Variants in GABRA2 observed in about 807,000 individuals in gnomAD.
GABRA2 encodes the protein gamma-aminobutyric acid type A receptor subunit alpha2, also known as gamma-aminobutyric acid receptor subunit alpha-2.
Under a neutral mutation model 48.7 loss-of-function variants are expected in GABRA2, and 16 were observed. That is an observed-to-expected ratio of 0.33 (90% confidence interval 0.22 to 0.50). GABRA2 has a LOEUF of 0.50. Ranked by LOEUF, GABRA2 falls within the 20% of genes least tolerant of loss-of-function variation. The pLI is 0.98. For synonymous variants in GABRA2, 185 were observed against 184.5 expected, an observed-to-expected ratio of 1.00 and a Z score of -0.02; for missense variants, 275 against 535.6, an observed-to-expected ratio of 0.51 and a Z score of 4.80.
intron 6 of GABRA2, among the ~76,000 whole-genome samples, chr4:46,307,956 T>C (rs762748837): frequency 6.6e-6 from 1 of 152,142 alleles, no homozygotes; most frequent in Non-Finnish European, 1.5e-5. Flanking sequence ...CTCAATAAAG[T>C]ATCAAAGGAG....
chr4:46,356,386 C>T (rs1735967933), intron 3 of GABRA2, among the ~76,000 whole-genome samples: 1 of 151,226 alleles, frequency 6.6e-6, no homozygotes, highest in African/African-American at 2.4e-5. Context: ...ACACCCCTGG[C>T]CAGGAAGAAA....
At chr4:46,337,203 C>T (rs931877440) in intron 3 of GABRA2, among the ~76,000 whole-genome samples, 4 of 152,170 alleles carry the variant, frequency 2.6e-5, no homozygotes, top group African/African-American at 9.6e-5. Context: ...ACCAAAAAGA[C>T]AGTATCTCAA....
At chr4:46,306,108 C>A (rs1332833386) in intron 6 of GABRA2, among the ~76,000 whole-genome samples, 1 of 152,020 alleles carries the variant, frequency 6.6e-6, no homozygotes, top group Non-Finnish European at 1.5e-5. Flanking sequence ...AATCAAAATT[C>A]AAAATTATAT....
intron 3 of GABRA2, among the ~76,000 whole-genome samples, chr4:46,349,594 A>G (rs1325256167): frequency 6.6e-6 from 1 of 151,934 alleles, no homozygotes; most frequent in Non-Finnish European, 1.5e-5. Flanking sequence ...CAACAATCCA[A>G]TATTTTTCTT....
chr4:46,340,785 T>C (rs546567753), intron 3 of GABRA2, among the ~76,000 whole-genome samples: 3 of 152,120 alleles, frequency 2.0e-5, no homozygotes, highest in African/African-American at 4.8e-5. Context: ...TTCTCACCAA[T>C]TGGGGAACTT....
At chr4:46,381,376 C>G (rs1716735837) in intron 3 of GABRA2, among the ~76,000 whole-genome samples, 1 of 152,124 alleles carries the variant, frequency 6.6e-6, no homozygotes, top group Non-Finnish European at 1.5e-5. Context: ...AGACTTGATA[C>G]AGTTATTAAT....
chr4:46,283,580 TCAATC>T (rs1721945384), intron 8 of GABRA2, among the ~76,000 whole-genome samples: 1 of 152,000 alleles, frequency 6.6e-6, no homozygotes, highest in African/African-American at 2.4e-5. Flanking sequence ...AGAAAAATGA[TCAATC>T]CAAACATAGC....
chr4:46,260,117 A>C (rs950125412), intron 9 of GABRA2, among the ~76,000 whole-genome samples: 1 of 151,854 alleles, frequency 6.6e-6, no homozygotes, highest in Non-Finnish European at 1.5e-5. Flanking sequence ...AAACTCATTC[A>C]TTCTTTTATA....
At chr4:46,292,242 A>G (rs1394068886) in intron 8 of GABRA2, among the ~76,000 whole-genome samples, 3 of 152,210 alleles carry the variant, frequency 2.0e-5, no homozygotes, top group Admixed American at 2.0e-4. Context: ...AGGCTTCACA[A>G]GCAGATACTG....
intron 3 of GABRA2, among the ~76,000 whole-genome samples, chr4:46,370,298 T>C (rs1048445482): frequency 1.1e-4 from 16 of 151,162 alleles, no homozygotes; most frequent in African/African-American, 3.6e-4. Context: ...GTAATAAGAG[T>C]TAAAAGTATA....
At chr4:46,346,581 T>C (rs1336608194) in intron 3 of GABRA2, among the ~76,000 whole-genome samples, 1 of 149,166 alleles carries the variant, frequency 6.7e-6, no homozygotes, top group Non-Finnish European at 1.5e-5. Flanking sequence ...TGCATATTTA[T>C]GTATTATATT....
chr4:46,321,424 T>C (rs532668408), intron 4 of GABRA2, among the ~76,000 whole-genome samples: 1 of 152,154 alleles, frequency 6.6e-6, no homozygotes, highest in African/African-American at 2.4e-5. Flanking sequence ...TTGACTGTAG[T>C]AGCCACTTAC....
chr4:46,375,894 A>G (rs1715624777), intron 3 of GABRA2, among the ~76,000 whole-genome samples: 1 of 152,244 alleles, frequency 6.6e-6, no homozygotes, highest in Non-Finnish European at 1.5e-5. Context: ...CAGTTGAATG[A>G]ATGAGCTATA....
At chr4:46,371,406 T>A (rs1261860017) in intron 3 of GABRA2, among the ~76,000 whole-genome samples, 2 of 152,086 alleles carry the variant, frequency 1.3e-5, no homozygotes, top group African/African-American at 4.8e-5. Flanking sequence ...AAATTCAGAT[T>A]TAAATTAGTT....
Position 46,244,505 on chromosome 4 carries a change from C to G in GABRA2, c.*5803G>C, listed in dbSNP as rs542514408. Among the ~76,000 whole-genome samples, 4 of 151,614 alleles carry G rather than the reference C, an allele frequency of 2.6e-5. No homozygotes were observed. In the South Asian group the frequency reaches 8.3e-4, roughly 31 times the overall value. On this transcript the variant is annotated 3_prime_UTR_variant, in exon 10 of 10. Coordinates refer to ENST00000381620, the MANE Select transcript of GABRA2 (RefSeq NM_000807.4). The stretch of plus-strand genomic sequence containing the variant: ...ACCTAGTAAGCTAATTCAGCAATTG[C>G]AATCCCACCGGTGGCATCCCTTGGG...
intron 8 of GABRA2, among the ~76,000 whole-genome samples, chr4:46,291,443 G>A (rs918799045): frequency 6.6e-6 from 1 of 152,126 alleles, no homozygotes; most frequent in African/African-American, 2.4e-5. Flanking sequence ...GATCCTGGGT[G>A]CGTCTGTGAG....
intron 1 of GABRA2, 190 bp from the exon 2 acceptor site, chr4:46,388,906 CT>C: frequency 7.5e-7 from 1 of 1,340,700 alleles, no homozygotes; most frequent in Non-Finnish European, 9.6e-7. Context: ...CACCCCCACC[CT>C]TTTCCTTTCT....
intron 8 of GABRA2, among the ~76,000 whole-genome samples, chr4:46,283,883 C>T (rs1722014233): frequency 6.6e-6 from 1 of 152,082 alleles, no homozygotes; most frequent in African/African-American, 2.4e-5. Context: ...CCTCAGCCTC[C>T]CTAGTAGCTG....
At chr4:46,363,896 T>C (rs1489495671) in intron 3 of GABRA2, 2 of 152,182 alleles carry the variant, frequency 1.3e-5, no homozygotes, top group Non-Finnish European at 2.9e-5. Context: ...ATTAAACTTT[T>C]CCATAGCAAT....
Sources: allele counts gnomAD v4.1 joint callset (sites outside exome capture counted in the v4.1 genomes callset), GRCh38; gene constraint gnomAD v4.1.1; transcripts MANE v1.5; gene names NCBI Gene and HGNC (gene_info 2026-07-23, HGNC 2026-07-21).